The following ARHGAP8 variants were observed in gnomAD, a reference collection of about 807,000 sequenced individuals.
ARHGAP8 encodes Rho GTPase activating protein 8.
A neutral mutation model predicts 46.1 loss-of-function variants in ARHGAP8; 62 were observed. The observed-to-expected ratio is 1.34, with a 90% CI of 1.10 to 1.66. The LOEUF is 1.66. Ranked by LOEUF, ARHGAP8 falls within the 40% of genes most tolerant of loss-of-function variation. ARHGAP8 has a pLI of 0.00. For synonymous variants in ARHGAP8, 375 were observed against 243.1 expected, an observed-to-expected ratio of 1.54 and a Z score of -5.05; for missense variants, 923 against 568.4, an observed-to-expected ratio of 1.62 and a Z score of -6.34.
At chr22:44,779,120 G>C in intron 1 of ARHGAP8, among the ~76,000 whole-genome samples, 2 of 123,526 alleles carry the variant, frequency 1.6e-5, no homozygotes, top group South Asian at 5.1e-4. Context: ...TTTTTTTTGA[G>C]ACAGAGTCTC....
intron 7 of ARHGAP8, among the ~76,000 whole-genome samples, chr22:44,827,731 C>T (rs1052630063): frequency 3.3e-5 from 5 of 151,986 alleles, no homozygotes; most frequent in African/African-American, 9.7e-5. Context: ...TGGGTAGTTG[C>T]GAGTATAGGG....
chr22:44,833,319 A>G (rs1246757303), intron 7 of ARHGAP8, among the ~76,000 whole-genome samples: 1 of 151,676 alleles, frequency 6.6e-6, no homozygotes, highest in Non-Finnish European at 1.5e-5. Flanking sequence ...GGCTGGGAAC[A>G]TCATTTCTAT....
At chr22:44,759,332 G>T (rs1446394437) in intron 1 of ARHGAP8, among the ~76,000 whole-genome samples, 1 of 152,224 alleles carries the variant, frequency 6.6e-6, no homozygotes, top group Non-Finnish European at 1.5e-5. Context: ...GGGCTGTGAT[G>T]GACCTGGGGG....
intron 7 of ARHGAP8, among the ~76,000 whole-genome samples, chr22:44,839,625 C>T (rs1457408914): frequency 6.6e-6 from 1 of 152,210 alleles, no homozygotes; most frequent in Non-Finnish European, 1.5e-5. Flanking sequence ...AGCTGGTCAC[C>T]TGGCCTCTCC....
At chr22:44,840,517 T>C (rs1054906171) in intron 7 of ARHGAP8, among the ~76,000 whole-genome samples, 10 of 152,206 alleles carry the variant, frequency 6.6e-5, no homozygotes, top group African/African-American at 2.4e-4. Context: ...CCGGTTGCTA[T>C]GACAAAGTAC....
chr22:44,791,392 CAG>C, intron 2 of ARHGAP8, among the ~76,000 whole-genome samples: 1 of 152,206 alleles, frequency 6.6e-6, no homozygotes, highest in East Asian at 1.9e-4. Context: ...TGTGTTGGAG[CAG>C]AGTTTTCACT....
rs868109292 is a variant in ARHGAP8 at position 44,827,357 on chromosome 22, T to G, written c.596+1764T>G. On this transcript the variant is annotated intron_variant, in intron 7 of 11. Transcript: ENST00000356099. ...GGTGGTTTTTTTTTTTTTTTTTTTT[T>G]TTTTTGAGACAGTCTCGCTCTGTCC... Among the ~76,000 whole-genome samples, 47 of 137,560 alleles carry G rather than the reference T, an allele frequency of 3.4e-4. No homozygotes were observed. In the South Asian group the frequency reaches 0.011, roughly 33 times the overall value. 90.2% of individuals were successfully genotyped at this position (137,560 alleles called of 152,430 possible).
chr22:44,819,928 C>T (rs997456493), intron 5 of ARHGAP8, among the ~76,000 whole-genome samples: 3 of 152,180 alleles, frequency 2.0e-5, no homozygotes, highest in Admixed American at 2.0e-4. Flanking sequence ...ACATAAGCAG[C>T]TGCCAGGAGA....
intron 2 of ARHGAP8, among the ~76,000 whole-genome samples, chr22:44,789,643 C>T (rs1424758021): frequency 1.3e-5 from 2 of 151,948 alleles, no homozygotes; most frequent in African/African-American, 2.4e-5. Flanking sequence ...GGACTACAGG[C>T]ACAGGCCACC....
chr22:44,816,300 G>A (rs1929738261), intron 5 of ARHGAP8, among the ~76,000 whole-genome samples: 1 of 152,114 alleles, frequency 6.6e-6, no homozygotes, highest in African/African-American at 2.4e-5. Flanking sequence ...AATCCACACT[G>A]TCTCCTTCCC....
rs766698640 is a variant in ARHGAP8, at chr22:44,808,365, C to T, written c.226C>T (p.His76Tyr). 1.3e-5 allele frequency: 21 copies of T among 1,614,120 alleles called. No individual in the cohort carries two copies. Among genetic ancestry groups the T allele is most frequent in the Non-Finnish European group, 1.8e-5 (21 of 1,180,052 alleles). The change falls in exon 4 of 12, where the codon CAC becomes TAC. Residue 76 changes from histidine (H) to tyrosine (Y), a missense_variant. By Grantham distance (83) the His-to-Tyr change is moderately conservative (BLOSUM62 2). Transcript: ENST00000356099. ...GAACGATTATACCATCGTCTATTTC[C>T]ACTACGGGCTGAACAGCCGGAACAA... Reference protein sequence around the residue: ...VENDYTIVYFHYGLNSRNKPS... With the variant: ...VENDYTIVYFYYGLNSRNKPS...
chr22:44,861,453 T>TGGGGGGACCGGCGGC (rs1365961391), intron 11 of ARHGAP8, among the ~76,000 whole-genome samples: 3 of 149,140 alleles, frequency 2.0e-5, no homozygotes, highest in Non-Finnish European at 4.5e-5. Context: ...TGCAACGGGC[T>TGGGGGGACCGGCGGC]TGGGGGACCG....
At chr22:44,803,385 C>A in intron 3 of ARHGAP8, among the ~76,000 whole-genome samples, 1 of 152,130 alleles carries the variant, frequency 6.6e-6, no homozygotes, top group Non-Finnish European at 1.5e-5. Context: ...GGGCAAGGAA[C>A]CTTTTACTGC....
chr22:44,757,977 C>T (rs952021442), intron 1 of ARHGAP8, among the ~76,000 whole-genome samples: 1 of 152,120 alleles, frequency 6.6e-6, no homozygotes, highest in Admixed American at 6.5e-5. Context: ...TCATAGCAGC[C>T]AGTGGTCTCC....
intron 10 of ARHGAP8, among the ~76,000 whole-genome samples, chr22:44,859,418 C>T (rs1204521035): frequency 2.0e-5 from 3 of 152,164 alleles, no homozygotes; most frequent in Non-Finnish European, 2.9e-5. Context: ...TGCCTTCTGC[C>T]ATAATTGGAA....
intron 1 of ARHGAP8, among the ~76,000 whole-genome samples, chr22:44,776,024 G>C (rs929677424): frequency 2.0e-5 from 3 of 152,146 alleles, no homozygotes; most frequent in African/African-American, 7.2e-5. Flanking sequence ...AGGTAAGTCA[G>C]AAGCGAGTGA....
chr22:44,768,722 C>G (rs1925781810), intron 1 of ARHGAP8, among the ~76,000 whole-genome samples: 1 of 152,154 alleles, frequency 6.6e-6, no homozygotes, highest in Non-Finnish European at 1.5e-5. Flanking sequence ...CCTTACAGCC[C>G]TGTGTCCTTC....
chr22:44,859,869 C>T lies in ARHGAP8; in HGVS notation c.981+35C>T, dbSNP rs78210678. 4,090 of 1,605,562 alleles carry T rather than the reference C, an allele frequency of 2.5e-3. 6 individuals are homozygous for T. Among genetic ancestry groups the T allele is most frequent in the Non-Finnish European group, 3.3e-3 (3,839 of 1,175,890 alleles). ...GAAGGGGGGAGCTTGGGGTGAAGCCCAGTGGCCTTCCCTCCCATGCTGGGC... is the reference window on the plus strand; with the variant it reads ...GAAGGGGGGAGCTTGGGGTGAAGCCTAGTGGCCTTCCCTCCCATGCTGGGC... On this transcript the variant is annotated intron_variant, in intron 11 of 11. Transcript: ENST00000356099.
chr22:44,830,032 T>TTG (rs1930829040), intron 7 of ARHGAP8, among the ~76,000 whole-genome samples: 1 of 150,476 alleles, frequency 6.6e-6, no homozygotes, highest in African/African-American at 2.5e-5. Flanking sequence ...CTCTTTTTTT[T>TTG]TTTTTCCCTG....
Sources: allele counts gnomAD v4.1 joint callset (sites outside exome capture counted in the v4.1 genomes callset), GRCh38; gene constraint gnomAD v4.1.1; transcripts MANE v1.5; gene names NCBI Gene and HGNC (gene_info 2026-07-23, HGNC 2026-07-21).